PSIP1: variants seen among roughly 807,000 people sequenced by gnomAD.
The protein encoded by PSIP1 is PC4 and SRSF1 interacting protein 1.
A neutral mutation model predicts 74.7 loss-of-function variants in PSIP1; 19 were observed. That is an observed-to-expected ratio of 0.25 (90% CI 0.18 to 0.37). PSIP1 has a LOEUF of 0.37. Ranked by LOEUF, PSIP1 falls within the 10% of genes least tolerant of loss-of-function variation. PSIP1 has a pLI of 1.00. For missense variants in PSIP1, 601 were observed against 614.3 expected (o/e 0.98, Z 0.23); for synonymous variants, 222 against 195.3 (o/e 1.14, Z -1.14).
chr9:15,499,957 G>T (rs2037256168), intron 3 of PSIP1, among the ~76,000 whole-genome samples: 1 of 151,294 alleles, frequency 6.6e-6, no homozygotes, highest in African/African-American at 2.4e-5. Flanking sequence ...TCATTTAAGT[G>T]TTGCCAAGTA....
intron 3 of PSIP1, among the ~76,000 whole-genome samples, chr9:15,492,922 T>C (rs1370054075): frequency 4.6e-5 from 7 of 152,198 alleles, no homozygotes; most frequent in Admixed American, 3.3e-4. Flanking sequence ...GTCCCAACGC[T>C]GCACGCAGCA....
chr9:15,466,887 T>C (rs758193717), intron 14 of PSIP1, 28 bp from the exon 15 acceptor site: 1 of 1,548,340 alleles, frequency 6.5e-7, no homozygotes, highest in South Asian at 1.2e-5. Context: ...TGGAAAAACT[T>C]TGTTAAAGCT....
Position 15,486,868 on chromosome 9 carries a change from A to G in PSIP1, c.352T>C (p.Ser118Pro). The change falls in exon 5 of 16, where the codon TCA (serine) becomes CCA (proline). Residue 118 changes from serine to proline, a missense_variant. Around this residue, in one of 2 missense-constraint regions of PSIP1, gnomAD observed 538 missense variants for 507.6 expected, o/e 1.06. Coordinates refer to ENST00000380733, the MANE Select transcript of PSIP1 (RefSeq NM_033222.5). ...VEVEEKETSV[S>P]KEDTDHEEKA... ...TCTTCATGGTCGGTATCTTCCTTTG[A>G]AACACTAGTTTCCTTTTCTTCAACT... 6.2e-7 allele frequency: 1 copy of G among 1,612,472 alleles called. No individual in the cohort carries two copies. The highest frequency in any genetic ancestry group is 8.5e-7 in the Non-Finnish European group (1 of 1,179,230).
chr9:15,504,039 C>G (rs909720251), intron 3 of PSIP1, among the ~76,000 whole-genome samples: 2 of 152,136 alleles, frequency 1.3e-5, no homozygotes, highest in African/African-American at 4.8e-5. Context: ...GCCACCGCGC[C>G]CAGCCCAAAA....
chr9:15,492,700 G>C (rs2036891497), intron 3 of PSIP1, among the ~76,000 whole-genome samples: 1 of 152,168 alleles, frequency 6.6e-6, no homozygotes, highest in Non-Finnish European at 1.5e-5. Context: ...CCCTGCAGCA[G>C]ACTTCTACCT....
intron 15 of PSIP1, among the ~76,000 whole-genome samples, chr9:15,466,359 C>CA (rs1439220941): frequency 4.0e-5 from 6 of 150,892 alleles, no homozygotes; most frequent in Non-Finnish European, 8.9e-5. Flanking sequence ...GCCTGAGCAA[C>CA]AAGAGTGAAA....
At chr9:15,471,941 GAAGTGACAGTCTAAAGGTAACTAGGA>G in intron 10 of PSIP1, 2 of 975,772 alleles carry the variant, frequency 2.0e-6, no homozygotes, top group Non-Finnish European at 2.4e-6. Context: ...AAAGAACTCA[GAAGTGACAGTCTAAAGGTAACTAGGA>G]AAGCAAATGT....
At chr9:15,478,686 A>C (rs1179607065) in intron 7 of PSIP1, 134 bp from the exon 8 acceptor site, 1 of 590,370 alleles carries the variant, frequency 1.7e-6, no homozygotes, top group African/African-American at 1.9e-5. Context: ...TTATTGCTAA[A>C]TTGAAAAAAT....
intron 3 of PSIP1, among the ~76,000 whole-genome samples, chr9:15,503,221 G>C (rs966385705): frequency 1.3e-5 from 2 of 151,768 alleles, no homozygotes; most frequent in African/African-American, 4.8e-5. Flanking sequence ...ACAAAAATTA[G>C]ATGGGTGTGG....
intron 4 of PSIP1, among the ~76,000 whole-genome samples, chr9:15,488,148 G>A (rs1343133733): frequency 3.3e-5 from 5 of 150,570 alleles, no homozygotes; most frequent in Admixed American, 6.6e-5. Flanking sequence ...GGCCAAGATG[G>A]TGAAACCCCA....
At chr9:15,494,289 G>T (rs952631468) in intron 3 of PSIP1, among the ~76,000 whole-genome samples, 1 of 152,116 alleles carries the variant, frequency 6.6e-6, no homozygotes, top group Non-Finnish European at 1.5e-5. Context: ...AAATATGGCT[G>T]GGCGTGGTGG....
chr9:15,498,734 T>C (rs1269762709), intron 3 of PSIP1, among the ~76,000 whole-genome samples: 1 of 152,070 alleles, frequency 6.6e-6, no homozygotes, highest in East Asian at 1.9e-4. Flanking sequence ...TACCAAAAAA[T>C]TGTAAGTCAG....
intron 8 of PSIP1, among the ~76,000 whole-genome samples, chr9:15,477,627 ACT>A (rs1441761125): frequency 3.9e-5 from 6 of 151,948 alleles, no homozygotes; most frequent in Non-Finnish European, 2.9e-5. Flanking sequence ...GTCTAAATAT[ACT>A]CTCTATTCCT....
chr9:15,469,485 TAAC>T, intron 11 of PSIP1, 149 bp from the exon 12 acceptor site: 2 of 557,952 alleles, frequency 3.6e-6, no homozygotes, highest in Non-Finnish European at 6.4e-6. Context: ...CACAATAGCT[TAAC>T]TAAGAATAAG....
At chr9:15,498,900 GA>G (rs1408785511) in intron 3 of PSIP1, among the ~76,000 whole-genome samples, 3 of 151,844 alleles carry the variant, frequency 2.0e-5, no homozygotes, top group African/African-American at 7.3e-5. Context: ...AGACAAGTTT[GA>G]AAAAAACACG....
At chr9:15,469,376 C>G in intron 11 of PSIP1, 40 bp from the exon 12 acceptor site, 1 of 1,325,290 alleles carries the variant, frequency 7.5e-7, no homozygotes, top group Non-Finnish European at 1.1e-6. Context: ...AACAGTTTTT[C>G]CAAAACCAGT....
In PSIP1 at chr9:15,464,501, T is replaced by C. The variant is rs1410821362; in HGVS notation, c.*1019A>G. ...CCATACACGTCAATGTACAGACTTA[T>C]CAAAGTACAATGCTGGAACAACTAG... On this transcript the variant is annotated 3_prime_UTR_variant, in exon 16 of 16. Coordinates refer to ENST00000380733, the MANE Select transcript of PSIP1 (RefSeq NM_033222.5). The C allele has an allele frequency of 1.5e-5, 3 of 201,110 alleles. No homozygotes were observed. The highest frequency in any genetic ancestry group is 1.9e-4 in the South Asian group (1 of 5,240). 12.5% of individuals were successfully genotyped at this position (201,110 alleles called of 1,614,324 possible). A position where few individuals can be genotyped will look rare whatever the true frequency, so the allele number is the denominator to read the frequency against.
intron 8 of PSIP1, among the ~76,000 whole-genome samples, chr9:15,476,807 A>C (rs1020402408): frequency 6.6e-6 from 1 of 152,228 alleles, no homozygotes; most frequent in African/African-American, 2.4e-5. Flanking sequence ...GACTCCATCA[A>C]AAGAAAGTAA....
chr9:15,476,817 A>C (rs1373430327), intron 8 of PSIP1, among the ~76,000 whole-genome samples: 1 of 152,224 alleles, frequency 6.6e-6, no homozygotes, highest in Non-Finnish European at 1.5e-5. Flanking sequence ...AAAGAAAGTA[A>C]GTGAGATGAG....
Sources: gnomAD v4.1 joint callset for allele counts (sites outside exome capture counted in the v4.1 genomes callset) on GRCh38, gnomAD v4.1.1 for gene constraint, gnomAD v4.1.1 regional missense constraint, MANE v1.5 for transcripts, NCBI Gene and HGNC (gene_info 2026-07-23, HGNC 2026-07-21) for gene names.